The following RNF213 variants were observed in gnomAD, a reference collection of about 807,000 sequenced individuals.
RNF213 encodes E3 ubiquitin-protein ligase RNF213.
RNF213 carries 341 observed loss-of-function variants against 514.4 expected under a neutral mutation model. The ratio of observed to expected loss-of-function variants is 0.66; its 90% CI spans 0.61 to 0.73. The LOEUF (loss-of-function observed/expected upper bound fraction) is 0.73. Among genes scored for constraint, RNF213 ranks in the 30% least tolerant of loss-of-function variants. The pLI is 0.00. For missense variants in RNF213, 5,767 were observed against 6,615.6 expected (o/e 0.87, Z 4.45); for synonymous variants, 2,655 against 2,658.2 (o/e 1.00, Z 0.04).
chr17:80,289,699 A>T lies in RNF213; in HGVS notation c.974A>T (p.Glu325Val). The T allele has an allele frequency of 6.2e-7, 1 of 1,614,116 alleles. No individual in the cohort carries two copies. The highest frequency in any genetic ancestry group is 1.1e-5 in the South Asian group (1 of 91,080). ...ACCAAGGACGAGATGGCTGCTGCTGAAGAAAAAGTCGGTAAGAATGAACAA... is the reference window on the plus strand; with the variant it reads ...ACCAAGGACGAGATGGCTGCTGCTGTAGAAAAAGTCGGTAAGAATGAACAA... ...TKTKDEMAAA[E>V]EKVGKNEQGE... Residue 325 changes from glutamate to valine, a missense_variant, in exon 6 of 68, where the codon GAA becomes GTA. By Grantham distance (121) the Glu-to-Val change is moderately radical. Transcript: ENST00000582970.
At chr17:80,281,718 C>T (rs1327256374) in intron 3 of RNF213, among the ~76,000 whole-genome samples, 1 of 152,028 alleles carries the variant, frequency 6.6e-6, no homozygotes, top group Non-Finnish European at 1.5e-5. Flanking sequence ...CACTGAAACA[C>T]ACAGTGGTCC....
In RNF213 at chr17:80,289,644, G is replaced by A. The variant is rs748331395; in HGVS notation, c.934-15G>A. The A allele has an allele frequency of 6.2e-7, 1 of 1,612,532 alleles. No individual in the cohort carries two copies. Among genetic ancestry groups the A allele is most frequent in the South Asian group, 1.1e-5 (1 of 91,024 alleles). On this transcript the variant is annotated splice_polypyrimidine_tract_variant and intron_variant, in intron 5 of 67. Transcript: ENST00000582970. ...AGGCCGGCCTTCAAGGTCAGGGTTT[G>A]GTTCCTTGTTCCAGGAAGCTGAGAC... is the stretch of plus-strand genomic sequence containing the variant.
intron 36 of RNF213, chr17:80,355,379 G>GACACCTTCCTCGT: frequency 2.7e-6 from 1 of 376,834 alleles, no homozygotes; most frequent in South Asian, 1.8e-5. Flanking sequence ...GGAGCTTACA[G>GACACCTTCCTCGT]GGGAAGAAGC....
rs373555916 is a variant in RNF213, at chr17:80,367,924, C to T, written c.11973-37C>T. 39 of 1,614,164 alleles carry T rather than the reference C, an allele frequency of 2.4e-5. No individual in the cohort carries two copies. In the African/African-American group the frequency reaches 5.1e-4, roughly 21 times the overall value. On this transcript the variant is annotated intron_variant, in intron 43 of 67. Transcript: ENST00000582970. The stretch of plus-strand genomic sequence containing the variant: ...GGTTTTCACTTCTTCTGGCCAGTTT[C>T]TCTGCTTCAGAACTGATTGCCCTTC...
intron 62 of RNF213, 61 bp from the exon 63 acceptor site, chr17:80,386,629 C>T: frequency 1.3e-6 from 2 of 1,570,192 alleles, no homozygotes; most frequent in Non-Finnish European, 1.8e-6. Flanking sequence ...CTCCCTGCAA[C>T]ATAGAGCCCT....
chr17:80,340,575 C>T (rs2078124153), intron 26 of RNF213: 3 of 585,538 alleles, frequency 5.1e-6, no homozygotes, highest in Non-Finnish European at 9.1e-6. Context: ...TTCCCTTCCT[C>T]CTCTCAGCAA....
chr17:80,381,998 C>T (rs181165702), intron 57 of RNF213: 58 of 475,270 alleles, frequency 1.2e-4, no homozygotes, highest in Admixed American at 1.0e-3. Flanking sequence ...CTGCGGTATT[C>T]GGGAGCGTCT....
intron 16 of RNF213, 33 bp from the exon 17 acceptor site, chr17:80,319,157 A>G (rs1364252590): frequency 6.2e-7 from 1 of 1,614,134 alleles, no homozygotes; most frequent in Admixed American, 1.7e-5. Flanking sequence ...TGCATCCGAA[A>G]GCTCTGAAAC....
At chr17:80,326,270 G>A (rs1241977508) in intron 18 of RNF213, among the ~76,000 whole-genome samples, 1 of 152,150 alleles carries the variant, frequency 6.6e-6, no homozygotes. Flanking sequence ...CACTCCAGGC[G>A]TGCACCACCA....
At chr17:80,281,013 C>T (rs1218251989) in intron 3 of RNF213, among the ~76,000 whole-genome samples, 1 of 151,658 alleles carries the variant, frequency 6.6e-6, no homozygotes, top group Non-Finnish European at 1.5e-5. Context: ...AGTGGGGTGT[C>T]TAGACCATGG....
rs894040805 is a variant in RNF213, at chr17:80,295,062, A to G, written c.1755+59A>G. On this transcript the variant is annotated intron_variant, in intron 9 of 67. Transcript: ENST00000582970. ...GGGCAGGAGCCACACCTGACCTGCT[A>G]GTGGCCGGATGACCCCTTGACTCTG... 1.9e-6 allele frequency: 3 copies of G among 1,600,550 alleles called. No individual in the cohort carries two copies. In the East Asian group the frequency reaches 6.7e-5, roughly 36 times the overall value.
chr17:80,339,259 A>C lies in RNF213; in HGVS notation c.4892A>C (p.Asn1631Thr), dbSNP rs1392616284. 1 of 1,527,374 alleles carries C rather than the reference A, an allele frequency of 6.5e-7. No individual in the cohort carries two copies. Among genetic ancestry groups the C allele is most frequent in the South Asian group, 1.2e-5 (1 of 82,832 alleles). The allele number at this position is 1,527,374 out of a possible 1,614,324, so 94.6% of individuals were successfully genotyped here. A position where few individuals can be genotyped will look rare whatever the true frequency, so the allele number is the denominator to read the frequency against. The stretch of plus-strand genomic sequence containing the variant: ...TTCATCGACCTGCACTCTGCTGGGA[A>C]TATGCTGTTCAGGACGTGGATCGCC... ...QAFIDLHSAGNMLFRTWIAMA... is the reference protein window; with the variant it reads ...QAFIDLHSAGTMLFRTWIAMA... The change falls in exon 26 of 68, where the codon AAT (asparagine) becomes ACT (threonine). Residue 1631 changes from asparagine (N) to threonine (T), a missense_variant. By Grantham distance (65) the Asn-to-Thr change is moderately conservative. Transcript: ENST00000582970.
intron 36 of RNF213, among the ~76,000 whole-genome samples, chr17:80,356,848 A>G (rs1257791196): frequency 6.6e-6 from 1 of 152,124 alleles, no homozygotes; most frequent in East Asian, 1.9e-4. Flanking sequence ...ATATATTTAA[A>G]AAATGTAGGT....
chr17:80,293,254 G>A (rs547095530), intron 8 of RNF213, among the ~76,000 whole-genome samples: 1 of 151,696 alleles, frequency 6.6e-6, no homozygotes, highest in African/African-American at 2.4e-5. Context: ...GGAGAGACTG[G>A]TCTTGCTGTG....
chr17:80,322,562 C>A (rs546238715), intron 17 of RNF213, among the ~76,000 whole-genome samples: 81 of 151,696 alleles, frequency 5.3e-4, no homozygotes, highest in African/African-American at 1.9e-3. Flanking sequence ...GGCGACAGAG[C>A]GAGACTCTGT....
chr17:80,377,885 C>T lies in RNF213; in HGVS notation c.13545+89C>T. The stretch of plus-strand genomic sequence containing the variant: ...GATCGTGGGTCAGGAGAGTGAGGCT[C>T]TCGGCCTTCCAGGAGAGCACAGGCT... On this transcript the variant is annotated intron_variant, in intron 54 of 67. Transcript: ENST00000582970. This position sits in a 1 kb window ranked among gnomAD's most constrained non-coding sequence, Gnocchi z 4.1. The T allele has an allele frequency of 6.8e-7, 1 of 1,462,122 alleles. No homozygotes were observed. The highest frequency in any genetic ancestry group is 1.4e-5 in the African/African-American group (1 of 72,010). 90.6% of individuals were successfully genotyped at this position (1,462,122 alleles called of 1,614,324 possible).
intron 15 of RNF213, among the ~76,000 whole-genome samples, chr17:80,315,454 T>A (rs901430364): frequency 3.7e-3 from 1 of 270 alleles, no homozygotes; most frequent in East Asian, 0.056. Context: ...GTGGTGGTGG[T>A]GGTACTGGAG....
chr17:80,370,674 C>G (rs1448943509), intron 46 of RNF213, among the ~76,000 whole-genome samples: 1 of 152,196 alleles, frequency 6.6e-6, no homozygotes, highest in African/African-American at 2.4e-5. Context: ...AAAACACTCC[C>G]ACTACACACC....
Position 80,386,243 on chromosome 17 carries a change from T to C in RNF213, c.14540-7T>C. 5 of 1,605,624 alleles carry C rather than the reference T, an allele frequency of 3.1e-6. No individual in the cohort carries two copies. Among genetic ancestry groups the C allele is most frequent in the Non-Finnish European group, 4.2e-6 (5 of 1,179,870 alleles). ...TCTCTGCTTAAGCATAACCCTGTCG[T>C]TTAAAGGTGAGATCAACCTACCCAA... On this transcript the variant is annotated splice_polypyrimidine_tract_variant and splice_region_variant and intron_variant, in intron 61 of 67. Coordinates refer to ENST00000582970, the MANE Select transcript of RNF213 (RefSeq NM_001256071.3).
Sources: gnomAD v4.1 joint callset for allele counts (sites outside exome capture counted in the v4.1 genomes callset) on GRCh38, gnomAD v4.1.1 for gene constraint, Gnocchi (gnomAD v3.1) non-coding constraint, MANE v1.5 for transcripts, NCBI Gene and HGNC (gene_info 2026-07-23, HGNC 2026-07-21) for gene names.